RRAGB: variants seen among roughly 807,000 people sequenced by gnomAD.
The protein encoded by RRAGB is ras-related GTP-binding protein B.
RRAGB carries 6 observed loss-of-function variants against 29.3 expected under a neutral mutation model. The observed-to-expected ratio is 0.21, with a 90% CI of 0.11 to 0.40. The LOEUF is 0.40. RRAGB is among the 10% of genes least tolerant of loss of function. The probability of loss-of-function intolerance (pLI) is 1.00; values close to 1 mark genes in which losing one functional copy is unlikely to be tolerated. For synonymous variants in RRAGB, 101 were observed against 92.5 expected, an observed-to-expected ratio of 1.09 and a Z score of -0.53; for missense variants, 184 against 272.9, an observed-to-expected ratio of 0.67 and a Z score of 2.29.
chrX:55,737,062 G>A (rs909435769), intron 5 of RRAGB, among the ~76,000 whole-genome samples: 13 of 112,225 alleles, frequency 1.2e-4, no homozygotes, highest in Non-Finnish European at 2.1e-4. Context: ...AAGTAGGTGG[G>A]TATATGCAGT....
chrX:55,753,782 C>T (rs942928102), intron 7 of RRAGB, among the ~76,000 whole-genome samples: 12 of 112,572 alleles, frequency 1.1e-4, no homozygotes, highest in African/African-American at 2.6e-4. Flanking sequence ...TGGGGGCTCA[C>T]GCCTGTAATC....
At chrX:55,729,247 T>G in intron 3 of RRAGB, 47 bp from the exon 4 acceptor site, 3 of 937,011 alleles carry the variant, frequency 3.2e-6, no homozygotes, top group Non-Finnish European at 3.1e-6. Flanking sequence ...ATTTTGAATT[T>G]CACTTCACCT....
chrX:55,750,460 C>T (rs973441701), intron 5 of RRAGB, among the ~76,000 whole-genome samples: 9 of 110,579 alleles, frequency 8.1e-5, no homozygotes, highest in Non-Finnish European at 1.5e-4. Context: ...TAGATGAGGC[C>T]CACCCACATT....
At chrX:55,724,950 T>C (rs1402923808) in intron 3 of RRAGB, among the ~76,000 whole-genome samples, 2 of 112,140 alleles carry the variant, frequency 1.8e-5, no homozygotes, top group Non-Finnish European at 3.8e-5. Flanking sequence ...TTATTTCTGT[T>C]TTAAATTCTG....
intron 5 of RRAGB, among the ~76,000 whole-genome samples, chrX:55,750,408 T>TG (rs1235184374): frequency 9.0e-6 from 1 of 110,991 alleles, no homozygotes; most frequent in African/African-American, 3.3e-5. Context: ...TCTTTTTTCT[T>TG]GGGGAAATGA....
At chrX:55,722,866 A>G (rs2033333762) in intron 3 of RRAGB, among the ~76,000 whole-genome samples, 1 of 111,229 alleles carries the variant, frequency 9.0e-6, no homozygotes, top group African/African-American at 3.3e-5. Context: ...TGGACAGTGA[A>G]TGTAGGATCC....
At chrX:55,748,627 C>T (rs2034355351) in intron 5 of RRAGB, among the ~76,000 whole-genome samples, 1 of 109,906 alleles carries the variant, frequency 9.1e-6, no homozygotes, top group Middle Eastern at 4.8e-3. Context: ...AGACCCTCCG[C>T]CTGGCAACCG....
chrX:55,757,320 A>G lies in RRAGB; in HGVS notation c.932A>G (p.Asp311Gly). The change falls in exon 9 of 10, where the codon GAT becomes GGT. Residue 311 changes from aspartate to glycine, a missense_variant. By Grantham distance (94) the Asp-to-Gly change is moderately conservative. Coordinates refer to ENST00000374941, the MANE Select transcript of RRAGB (RefSeq NM_006064.5). ...ACTTATGTGATGGTTGTGATGTCTG[A>G]TCCGTCCATTCGTAAGTTTAAACTT... ...SNTYVMVVMS[D>G]PSIPSAATLI... The G allele has an allele frequency of 8.7e-7, 1 of 1,151,914 alleles. No individual in the cohort carries two copies. Among genetic ancestry groups the G allele is most frequent in the Non-Finnish European group, 1.2e-6 (1 of 848,498 alleles). The allele number at this position is 1,151,914 out of a possible 1,213,427, so 94.9% of individuals were successfully genotyped here. A position where few individuals can be genotyped will look rare whatever the true frequency, so the allele number is the denominator to read the frequency against.
At chrX:55,740,767 A>T (rs995248679) in intron 5 of RRAGB, among the ~76,000 whole-genome samples, 1 of 111,608 alleles carries the variant, frequency 9.0e-6, no homozygotes, top group Non-Finnish European at 1.9e-5. Flanking sequence ...TTTGCTGAGC[A>T]TATTTATCAT....
intron 6 of RRAGB, chrX:55,752,310 A>G (rs1374721642): frequency 2.3e-5 from 17 of 751,574 alleles, no homozygotes; most frequent in Non-Finnish European, 2.5e-5. Flanking sequence ...AAGGATGGCA[A>G]TACATAACAC....
chrX:55,742,397 T>A (rs779040241), intron 5 of RRAGB, among the ~76,000 whole-genome samples: 2 of 112,617 alleles, frequency 1.8e-5, no homozygotes, highest in African/African-American at 3.2e-5. Flanking sequence ...GCATTGTCGT[T>A]TTCCATTGAG....
intron 4 of RRAGB, 64 bp from the exon 5 acceptor site, chrX:55,731,300 T>C: frequency 1.2e-6 from 1 of 828,993 alleles, no homozygotes; most frequent in Non-Finnish European, 1.7e-6. Context: ...CCAACAAAAA[T>C]AGGCTATAAG....
chrX:55,753,193 T>A (rs886935502), intron 6 of RRAGB, among the ~76,000 whole-genome samples, 199 bp from the exon 7 acceptor site: 4 of 112,752 alleles, frequency 3.5e-5, no homozygotes, highest in African/African-American at 1.3e-4. Flanking sequence ...TTAAAAAAAA[T>A]TCAACTCAAG....
At chrX:55,742,724 A>T (rs1276620209) in intron 5 of RRAGB, among the ~76,000 whole-genome samples, 1 of 111,485 alleles carries the variant, frequency 9.0e-6, no homozygotes, top group Non-Finnish European at 1.9e-5. Context: ...AAGAAACAAA[A>T]ATTTTGCTAG....
chrX:55,748,785 G>A (rs1217081469), intron 5 of RRAGB, among the ~76,000 whole-genome samples: 2 of 109,147 alleles, frequency 1.8e-5, no homozygotes, highest in Non-Finnish European at 3.9e-5. Flanking sequence ...GAGGGAGGTG[G>A]GGGGGTCAGC....
chrX:55,740,487 G>A (rs185156265), intron 5 of RRAGB, among the ~76,000 whole-genome samples: 1 of 111,998 alleles, frequency 8.9e-6, no homozygotes, highest in Admixed American at 9.4e-5. Flanking sequence ...CGTGCTTTGG[G>A]ATTCAACAAA....
rs2033176375 is a variant in RRAGB at position 55,719,337 on chromosome X, T to C, written c.116T>C (p.Met39Thr). 8.4e-7 allele frequency: 1 copy of C among 1,188,093 alleles called. No homozygotes were observed. Among genetic ancestry groups the C allele is most frequent in the Admixed American group, 2.3e-5 (1 of 42,845 alleles). The change falls in exon 2 of 10, where the codon ATG becomes ACG. Residue 39 changes from methionine to threonine, a missense_variant. Coordinates refer to ENST00000374941, the MANE Select transcript of RRAGB (RefSeq NM_006064.5). ...SLGWVLPNTA[M>T]KKKVLLMGKS... is the part of the protein sequence containing the mutation. Reference sequence around the variant, plus strand: ...AGGTGGGTGCTACCAAATACAGCCATGAAGAAAAAGGTAAGACGTGTTAGA... The same window carrying C: ...AGGTGGGTGCTACCAAATACAGCCACGAAGAAAAAGGTAAGACGTGTTAGA...
chrX:55,720,917 C>T (rs991223904), intron 2 of RRAGB, among the ~76,000 whole-genome samples: 1 of 111,259 alleles, frequency 9.0e-6, no homozygotes, highest in Non-Finnish European at 1.9e-5. Flanking sequence ...AAAAGGAAAG[C>T]AAGGTAATTG....
chrX:55,750,048 TAAAAAAAA>T (rs774847577), intron 5 of RRAGB, among the ~76,000 whole-genome samples: 3 of 16,764 alleles, frequency 1.8e-4, no homozygotes, highest in Admixed American at 8.9e-4. Flanking sequence ...AATGATCAAT[TAAAAAAAA>T]AAAAAAAAAA....
Sources: allele counts gnomAD v4.1 joint callset (sites outside exome capture counted in the v4.1 genomes callset), GRCh38; gene constraint gnomAD v4.1.1; transcripts MANE v1.5; gene names NCBI Gene and HGNC (gene_info 2026-07-23, HGNC 2026-07-21).